The following GCC2 variants were observed in gnomAD, a reference collection of about 807,000 sequenced individuals.
GCC2 encodes GRIP and coiled-coil domain-containing protein 2.
Under a neutral mutation model 210.6 loss-of-function variants are expected in GCC2, and 120 were observed. That is an observed-to-expected ratio of 0.57 (90% CI 0.49 to 0.66). GCC2 has a LOEUF of 0.66. Among genes scored for constraint, GCC2 ranks in the 30% least tolerant of loss-of-function variants. The pLI is 0.00. For missense variants in GCC2, 1,868 were observed against 1,871.9 expected, an observed-to-expected ratio of 1.00 and a Z score of 0.04; for synonymous variants, 703 against 652.7, an observed-to-expected ratio of 1.08 and a Z score of -1.17.
chr2:108,476,220 C>T (rs769686442), intron 9 of GCC2, among the ~76,000 whole-genome samples: 25 of 151,694 alleles, frequency 1.6e-4, no homozygotes, highest in Non-Finnish European at 2.6e-4. Context: ...CCACCATGCC[C>T]GGCCAGTTTT....
chr2:108,462,978 G>A (rs991726026), intron 4 of GCC2, among the ~76,000 whole-genome samples: 1 of 151,710 alleles, frequency 6.6e-6, no homozygotes, highest in African/African-American at 2.4e-5. Context: ...CTAGTCCATT[G>A]TTGAAGCTTT....
rs190695819 is a variant in GCC2 at position 108,460,338 on chromosome 2, G to T, written c.216+7872G>T. ...AGCCAGCCTGTATCTTTTAAGAGGA[G>T]AGCTTAACTCCATTTACATGCAGTT... On this transcript the variant is annotated intron_variant, in intron 4 of 22. Transcript: ENST00000309863. Among the ~76,000 whole-genome samples, 208 of 152,242 alleles carry T rather than the reference G, an allele frequency of 1.4e-3. 1 individual carries two copies. Among genetic ancestry groups the T allele is most frequent in the Non-Finnish European group, 4.3e-4 (29 of 68,010 alleles).
chr2:108,497,310 G>T (rs1054594421), intron 21 of GCC2, among the ~76,000 whole-genome samples: 1 of 152,092 alleles, frequency 6.6e-6, no homozygotes, highest in Non-Finnish European at 1.5e-5. Context: ...GTAGAGACAG[G>T]GTTTACCATG....
Position 108,484,209 on chromosome 2 carries a change from G to T in GCC2, c.3511G>T (p.Glu1171Ter). ...EIADYERLMK[E>*]LNQKLTNKNN... ...AGCTGATTATGAACGTTTGATGAAA[G>T]AACTAAATCAAAAGTTAACTAATAA... Residue 1171 changes from glutamate to a stop codon, truncating the protein, a stop_gained, in exon 13 of 23, where the codon GAA becomes TAA. Coordinates refer to ENST00000309863, the MANE Select transcript of GCC2 (RefSeq NM_181453.4). LOFTEE classifies it high-confidence loss of function. 6.3e-7 allele frequency: 1 copy of T among 1,588,210 alleles called. No homozygotes were observed. The highest frequency in any genetic ancestry group is 8.6e-7 in the Non-Finnish European group (1 of 1,167,436).
At chr2:108,449,711 C>A (rs1437512316) in intron 2 of GCC2, 22 bp downstream of exon 2, 2 of 1,601,062 alleles carry the variant, frequency 1.2e-6, no homozygotes, top group East Asian at 4.5e-5. Context: ...ACTTGAATAG[C>A]GGGCTTCCTG....
chr2:108,459,150 G>A lies in GCC2; in HGVS notation c.216+6684G>A, dbSNP rs1680424756. ...TTTGTGATACAAAAGCACTGCTTTTGTTGTATCACATAGGTTTTGGTATGT... is the reference window on the plus strand; with the variant it reads ...TTTGTGATACAAAAGCACTGCTTTTATTGTATCACATAGGTTTTGGTATGT... On this transcript the variant is annotated intron_variant, in intron 4 of 22. Coordinates refer to ENST00000309863, the MANE Select transcript of GCC2 (RefSeq NM_181453.4). 2.0e-5 allele frequency among the ~76,000 whole-genome samples: 3 copies of A among 152,040 alleles called. No individual in the cohort carries two copies. In the South Asian group the frequency reaches 6.2e-4, roughly 31 times the overall value.
intron 15 of GCC2, 57 bp from the exon 16 acceptor site, chr2:108,486,454 C>G (rs759881305): frequency 1.9e-6 from 3 of 1,564,802 alleles, no homozygotes; most frequent in Admixed American, 1.7e-5. Flanking sequence ...TAAGGAAAAC[C>G]TCTTTAACTA....
At chr2:108,455,756 T>C (rs987882291) in intron 4 of GCC2, among the ~76,000 whole-genome samples, 1 of 152,190 alleles carries the variant, frequency 6.6e-6, no homozygotes, top group Admixed American at 6.5e-5. Flanking sequence ...GTGATCTTAT[T>C]CTTTTTTATG....
intron 9 of GCC2, among the ~76,000 whole-genome samples, chr2:108,479,532 T>C (rs948455332): frequency 2.6e-5 from 4 of 151,666 alleles, no homozygotes; most frequent in Non-Finnish European, 5.9e-5. Context: ...TCCCAGCTAC[T>C]TGGGAGGCTG....
chr2:108,464,545 T>C (rs902667795), intron 4 of GCC2, among the ~76,000 whole-genome samples: 1 of 152,196 alleles, frequency 6.6e-6, no homozygotes, highest in African/African-American at 2.4e-5. Context: ...ATGGCTAGGA[T>C]TGTAGAAGTC....
chr2:108,490,542 T>A (rs1682357850), intron 18 of GCC2, among the ~76,000 whole-genome samples: 1 of 152,090 alleles, frequency 6.6e-6, no homozygotes, highest in Non-Finnish European at 1.5e-5. Context: ...AGTATTAGGC[T>A]GAGGAAAAGA....
rs542695116 is a variant in GCC2 at position 108,452,409 on chromosome 2, A to G, written c.159A>G (p.Lys53=). ...KAKSRCTELE[K]EIEELRSKPV... ...TTTTTAATTGTTTAGAATTGGAGAA[A>G]GAAATTGAAGAACTCAGATCAAAAC... Residue 53 remains lysine, a synonymous_variant, in exon 4 of 23, where the codon AAA becomes AAG. Coordinates refer to ENST00000309863, the MANE Select transcript of GCC2 (RefSeq NM_181453.4). 2 of 1,518,740 alleles carry G rather than the reference A, an allele frequency of 1.3e-6. No individual in the cohort carries two copies. Among genetic ancestry groups the G allele is most frequent in the African/African-American group, 1.4e-5 (1 of 72,826 alleles). 94.1% of individuals were successfully genotyped at this position (1,518,740 alleles called of 1,614,324 possible). A position where few individuals can be genotyped will look rare whatever the true frequency, so the allele number is the denominator to read the frequency against.
At chr2:108,464,338 C>A (rs1353592262) in intron 4 of GCC2, among the ~76,000 whole-genome samples, 1 of 152,196 alleles carries the variant, frequency 6.6e-6, no homozygotes, top group African/African-American at 2.4e-5. Flanking sequence ...AAGATTGCCA[C>A]CCGTGCTGCC....
At position 108,475,589 on chromosome 2, in the gene GCC2, T is replaced by C; in HGVS notation, c.2915T>C (p.Leu972Ser). 1 of 1,540,148 alleles carries C rather than the reference T, an allele frequency of 6.5e-7. No individual in the cohort carries two copies. Among genetic ancestry groups the C allele is most frequent in the Non-Finnish European group, 8.7e-7 (1 of 1,146,764 alleles). Residue 972 changes from leucine to serine, a missense_variant, in exon 8 of 23, where the codon TTA becomes TCA. Physicochemically the swap from Leu to Ser is moderately radical, Grantham distance 145 (BLOSUM62 -2). Around this residue, in one of 3 missense-constraint regions of GCC2, gnomAD observed 1,847 missense variants for 1,765.2 expected, o/e 1.05. Transcript: ENST00000309863. ...EKEEKINKIK[L>S]VAVKAKKELD... is the part of the protein sequence containing the mutation. ...GAGGAGAAAATAAATAAGATAAAAT[T>C]AGTTGCCGTAAAGGCAAAGAAAGAA...
intron 17 of GCC2, among the ~76,000 whole-genome samples, chr2:108,488,096 G>A (rs942624140): frequency 2.0e-5 from 3 of 151,616 alleles, no homozygotes; most frequent in African/African-American, 7.3e-5. Flanking sequence ...TATTAGAGAC[G>A]GGGTTTCACC....
At chr2:108,473,561 C>A (rs1558742878) in intron 7 of GCC2, among the ~76,000 whole-genome samples, 1 of 152,070 alleles carries the variant, frequency 6.6e-6, no homozygotes, top group African/African-American at 2.4e-5. Flanking sequence ...CTCACAGTAA[C>A]ATTATAGGAT....
In GCC2 at chr2:108,490,010, G is replaced by A. The variant is rs376647881; in HGVS notation, c.4225G>A (p.Glu1409Lys). The change falls in exon 18 of 23, where the codon GAA (glutamate) becomes AAA (lysine). Residue 1409 changes from glutamate to lysine, a missense_variant. Glu to Lys is a moderately conservative substitution (Grantham distance 56, BLOSUM62 1). Coordinates refer to ENST00000309863, the MANE Select transcript of GCC2 (RefSeq NM_181453.4). Reference sequence around the variant, plus strand: ...TGTGTCCAAAGAGGCGGAACTCCGGGAAAAGTAAGACTGTTAGCAGCACTA... The same window carrying A: ...TGTGTCCAAAGAGGCGGAACTCCGGAAAAAGTAAGACTGTTAGCAGCACTA... ...ETVSKEAELR[E>K]KLCSIQSENM... The A allele has an allele frequency of 7.5e-6, 12 of 1,599,610 alleles. No homozygotes were observed. Among genetic ancestry groups the A allele is most frequent in the Non-Finnish European group, 1.0e-5 (12 of 1,174,642 alleles).
At chr2:108,501,213 C>T (rs1350988893) in intron 22 of GCC2, among the ~76,000 whole-genome samples, 1 of 151,968 alleles carries the variant, frequency 6.6e-6, no homozygotes, top group Non-Finnish European at 1.5e-5. Flanking sequence ...TCTCAATCTC[C>T]TGACCTTGTG....
intron 9 of GCC2, 53 bp from the exon 10 acceptor site, chr2:108,481,642 CTG>C: frequency 1.4e-6 from 2 of 1,390,456 alleles, no homozygotes; most frequent in Non-Finnish European, 2.0e-6. Context: ...ATGATGAAGT[CTG>C]ACCTGTTGAA....
Sources: allele counts gnomAD v4.1 joint callset (sites outside exome capture counted in the v4.1 genomes callset), GRCh38; gene constraint gnomAD v4.1.1; regional missense constraint gnomAD v4.1.1; transcripts MANE v1.5; gene names NCBI Gene and HGNC (gene_info 2026-07-23, HGNC 2026-07-21).